Variants in CNTNAP2 observed in about 807,000 individuals in gnomAD.
The protein encoded by CNTNAP2 is contactin-associated protein-like 2.
CNTNAP2 carries 98 observed loss-of-function variants against 155.2 expected under a neutral mutation model. The ratio of observed to expected loss-of-function variants is 0.63; its 90% CI spans 0.54 to 0.75. The LOEUF is 0.75. CNTNAP2 is among the 30% of genes least tolerant of loss of function. The pLI, the probability that CNTNAP2 is intolerant of heterozygous loss-of-function variation, is 0.00. For synonymous variants in CNTNAP2, 651 were observed against 631.2 expected, an observed-to-expected ratio of 1.03 and a Z score of -0.47; for missense variants, 1,727 against 1,688.1, an observed-to-expected ratio of 1.02 and a Z score of -0.40.
At chr7:146,421,905 C>T (rs1796017305) in intron 1 of CNTNAP2, among the ~76,000 whole-genome samples, 1 of 148,410 alleles carries the variant, frequency 6.7e-6, no homozygotes, top group African/African-American at 2.5e-5. Context: ...ATTTTTTTTA[C>T]ACATTGGACT....
intron 13 of CNTNAP2, among the ~76,000 whole-genome samples, chr7:147,810,407 T>C (rs1798161230): frequency 6.6e-6 from 1 of 152,040 alleles, no homozygotes; most frequent in Non-Finnish European, 1.5e-5. Flanking sequence ...ACAGCTGTAC[T>C]AACATGAATA....
At chr7:146,162,002 A>G (rs1198283193) in intron 1 of CNTNAP2, among the ~76,000 whole-genome samples, 1 of 152,220 alleles carries the variant, frequency 6.6e-6, no homozygotes, top group Non-Finnish European at 1.5e-5. Flanking sequence ...ACCTTATACA[A>G]AAATTAATTC....
Position 147,485,301 on chromosome 7 carries a change from T to C in CNTNAP2, c.1671-634T>C, listed in dbSNP as rs148067542. On this transcript the variant is annotated intron_variant, in intron 10 of 23. Coordinates refer to ENST00000361727, the MANE Select transcript of CNTNAP2 (RefSeq NM_014141.6). ...TAAGGTTCAGAAAGGTTCAGTTAAG[T>C]AGCTACAATTAGTCATCTTAATAAA... Among the ~76,000 whole-genome samples, 1,008 of 152,300 alleles carry C rather than the reference T, an allele frequency of 6.6e-3. 10 individuals carry two copies. Among genetic ancestry groups the C allele is most frequent in the African/African-American group, 0.023 (946 of 41,572 alleles).
chr7:147,949,055 G>T (rs992274707), intron 14 of CNTNAP2, among the ~76,000 whole-genome samples: 1 of 151,814 alleles, frequency 6.6e-6, no homozygotes, highest in Non-Finnish European at 1.5e-5. Flanking sequence ...TACAAAATTA[G>T]CTGGGTGTGG....
intron 15 of CNTNAP2, among the ~76,000 whole-genome samples, chr7:148,025,034 C>G (rs1441624271): frequency 1.3e-5 from 2 of 152,154 alleles, no homozygotes; most frequent in Non-Finnish European, 2.9e-5. Context: ...TGAAACTAAC[C>G]CCTCCTTGCT....
chr7:146,236,795 A>G (rs1799481676), intron 1 of CNTNAP2, among the ~76,000 whole-genome samples: 1 of 129,518 alleles, frequency 7.7e-6, no homozygotes, highest in Non-Finnish European at 1.7e-5. Context: ...GGCTTTATCA[A>G]TAAGATTGTA....
chr7:147,530,328 T>C (rs1248820785), intron 11 of CNTNAP2, among the ~76,000 whole-genome samples: 1 of 151,986 alleles, frequency 6.6e-6, no homozygotes, highest in Admixed American at 6.6e-5. Flanking sequence ...TATAGGCGTG[T>C]GCCTCCGTGC....
At chr7:147,631,941 G>T (rs1795093035) in intron 12 of CNTNAP2, among the ~76,000 whole-genome samples, 1 of 152,046 alleles carries the variant, frequency 6.6e-6, no homozygotes, top group Non-Finnish European at 1.5e-5. Context: ...TCATGACAAA[G>T]CATCCGAAAG....
chr7:147,913,422 A>G lies in CNTNAP2; in HGVS notation c.2255+9701A>G, dbSNP rs186193173. 1.6e-4 allele frequency among the ~76,000 whole-genome samples: 25 copies of G among 152,278 alleles called. No individual in the cohort carries two copies. The East Asian group carries it at 4.4e-3, about 27-fold the overall frequency. ...TTTTACCCTCAGTGACAACACTGGA[A>G]ATCACTTTATAACCACTGCTTCCAT... On this transcript the variant is annotated intron_variant, in intron 14 of 23. Coordinates refer to ENST00000361727, the MANE Select transcript of CNTNAP2 (RefSeq NM_014141.6).
rs559971987 is a variant in CNTNAP2, at chr7:148,416,143, G to A, written c.*527G>A. 3.2e-5 allele frequency: 5 copies of A among 157,704 alleles called. No homozygotes were observed. Among genetic ancestry groups the A allele is most frequent in the Admixed American group, 2.4e-4 (4 of 16,356 alleles). The allele number at this position is 157,704 out of a possible 1,614,324, so 9.8% of individuals were successfully genotyped here. A position where few individuals can be genotyped will look rare whatever the true frequency, so the allele number is the denominator to read the frequency against. On this transcript the variant is annotated 3_prime_UTR_variant, in exon 24 of 24. Coordinates refer to ENST00000361727, the MANE Select transcript of CNTNAP2 (RefSeq NM_014141.6). ...GTCCTATAAGTCGGAAAAGAAAGGG[G>A]CAAAGAGAACCTATTATTTGCCAGT...
chr7:146,542,180 A>T (rs893646727), intron 1 of CNTNAP2, among the ~76,000 whole-genome samples: 2 of 151,670 alleles, frequency 1.3e-5, no homozygotes, highest in Admixed American at 6.6e-5. Flanking sequence ...ATCAGTTTTG[A>T]TGGGGAGCTC....
chr7:147,506,323 T>G (rs953735668), intron 11 of CNTNAP2, among the ~76,000 whole-genome samples: 1 of 152,204 alleles, frequency 6.6e-6, no homozygotes, highest in Non-Finnish European at 1.5e-5. Flanking sequence ...TGGCGCGATC[T>G]CGGCTCACTG....
chr7:147,946,288 G>C (rs1800818992), intron 14 of CNTNAP2, among the ~76,000 whole-genome samples: 1 of 152,078 alleles, frequency 6.6e-6, no homozygotes, highest in Non-Finnish European at 1.5e-5. Flanking sequence ...TATTAACATT[G>C]TGCTGCCATG....
At chr7:146,292,137 A>G (rs1016331473) in intron 1 of CNTNAP2, among the ~76,000 whole-genome samples, 1 of 152,226 alleles carries the variant, frequency 6.6e-6, no homozygotes, top group Non-Finnish European at 1.5e-5. Context: ...AATGCTGAGC[A>G]TCATTAATTA....
intron 1 of CNTNAP2, among the ~76,000 whole-genome samples, chr7:146,374,438 T>C (rs180721292): frequency 6.6e-6 from 1 of 152,286 alleles, no homozygotes; most frequent in East Asian, 1.9e-4. Context: ...CTACAAAAGC[T>C]AAGAAAAACG....
rs1264361228 is a variant in CNTNAP2 at position 148,223,356 on chromosome 7, G to T, written c.3247+5832G>T. 1.1e-4 allele frequency among the ~76,000 whole-genome samples: 16 copies of T among 152,250 alleles called. No homozygotes were observed. In the Middle Eastern group the frequency reaches 0.01, roughly 97 times the overall value. On this transcript the variant is annotated intron_variant, in intron 19 of 23. Transcript: ENST00000361727. ...CCCTGTCTTCCCAGAGAGATGAAAA[G>T]CTCCCAGCACTACATCTCCTGCCTA...
intron 1 of CNTNAP2, among the ~76,000 whole-genome samples, chr7:146,575,122 A>G (rs548800090): frequency 6.6e-6 from 1 of 152,190 alleles, no homozygotes; most frequent in African/African-American, 2.4e-5. Flanking sequence ...ATACATTTAC[A>G]CCCTGGTATG....
chr7:148,118,641 G>A (rs1440256934), intron 16 of CNTNAP2, among the ~76,000 whole-genome samples: 1 of 152,164 alleles, frequency 6.6e-6, no homozygotes, highest in Non-Finnish European at 1.5e-5. Flanking sequence ...TGTGTGCATT[G>A]ACCCGAGGAG....
chr7:147,486,860 TGTTG>T (rs1798518561), intron 11 of CNTNAP2, among the ~76,000 whole-genome samples: 1 of 150,852 alleles, frequency 6.6e-6, no homozygotes, highest in African/African-American at 2.4e-5. Flanking sequence ...GAGAGTCAAC[TGTTG>T]GTTAGTGTGT....
Sources: allele counts gnomAD v4.1 joint callset (sites outside exome capture counted in the v4.1 genomes callset), GRCh38; gene constraint gnomAD v4.1.1; transcripts MANE v1.5; gene names NCBI Gene and HGNC (gene_info 2026-07-23, HGNC 2026-07-21).